DSCAML1: variants seen among roughly 807,000 people sequenced by gnomAD.
DSCAML1 encodes DS cell adhesion molecule like 1, also known as cell adhesion molecule DSCAML1.
A neutral mutation model predicts 200.5 loss-of-function variants in DSCAML1; 38 were observed. That is an observed-to-expected ratio of 0.19 (90% confidence interval 0.15 to 0.25). The LOEUF (loss-of-function observed/expected upper bound fraction) is 0.25, where lower values mean the gene tolerates loss of function less well. Ranked by LOEUF, DSCAML1 falls within the 10% of genes least tolerant of loss-of-function variation. The pLI, the probability that DSCAML1 is intolerant of heterozygous loss-of-function variation, is 1.00. For missense variants in DSCAML1, 2,223 were observed against 2,858.8 expected (o/e 0.78, Z 5.07); for synonymous variants, 1,215 against 1,165.0 (o/e 1.04, Z -0.87).
At position 117,434,372 on chromosome 11, in the gene DSCAML1, TTCAA is replaced by T. The variant is rs2047864775; in HGVS notation, c.4877-905_4877-902del. 2.0e-5 allele frequency among the ~76,000 whole-genome samples: 3 copies of T among 152,190 alleles called. No homozygotes were observed. In the South Asian group the frequency reaches 6.2e-4, roughly 32 times the overall value. ...CATTCACTCATGAATTCAACATCCATTCAATCATTCTTATATTTATATGTTAAAC... is the reference window on the plus strand; with the variant it reads ...CATTCACTCATGAATTCAACATCCATTCATTCTTATATTTATATGTTAAAC... On this transcript the variant is annotated intron_variant, in intron 27 of 32. Coordinates refer to ENST00000651296, the MANE Select transcript of DSCAML1 (RefSeq NM_020693.4).
intron 3 of DSCAML1, among the ~76,000 whole-genome samples, chr11:117,556,815 C>A (rs1019926176): frequency 1.3e-5 from 2 of 152,184 alleles, no homozygotes; most frequent in Non-Finnish European, 2.9e-5. Flanking sequence ...GAAGGGCTGG[C>A]GACCTTATGT....
At chr11:117,562,363 G>A (rs942651813) in intron 3 of DSCAML1, among the ~76,000 whole-genome samples, 8 of 152,180 alleles carry the variant, frequency 5.3e-5, no homozygotes, top group African/African-American at 1.9e-4. Context: ...AGGGCTCCTC[G>A]CCAGGGTGTG....
intron 3 of DSCAML1, among the ~76,000 whole-genome samples, chr11:117,595,203 A>T (rs1435759719): frequency 6.6e-6 from 1 of 152,174 alleles, no homozygotes; most frequent in Non-Finnish European, 1.5e-5. Flanking sequence ...TTGGAAAGTC[A>T]GTCATTAGAA....
intron 3 of DSCAML1, among the ~76,000 whole-genome samples, chr11:117,539,522 C>T (rs7938877): frequency 0.069 from 10,019 of 146,160 alleles, 506 homozygotes; most frequent in East Asian, 0.12. Flanking sequence ...GCAGGAGAAT[C>T]GCTTGAACCC....
At position 117,432,464 on chromosome 11, in the gene DSCAML1, G is replaced by A. The variant is rs748786636; in HGVS notation, c.5067C>T (p.Phe1689=). ...KATIPVTDAE[F]SQAVNPQSFC... The stretch of plus-strand genomic sequence containing the variant: ...AGCTCTGTGGGTTGACAGCTTGGCT[G>A]AACTCAGCATCTGTCACAGGGATGG... The change falls in exon 30 of 33, where the codon TTC becomes TTT. Residue 1689 remains phenylalanine, a synonymous_variant. Transcript: ENST00000651296. The A allele has an allele frequency of 1.9e-6, 3 of 1,614,212 alleles. No homozygotes were observed. The highest frequency in any genetic ancestry group is 2.5e-6 in the Non-Finnish European group (3 of 1,180,038).
intron 3 of DSCAML1, among the ~76,000 whole-genome samples, chr11:117,547,598 C>T (rs1047657237): frequency 1.3e-5 from 2 of 152,158 alleles, no homozygotes; most frequent in African/African-American, 4.8e-5. Flanking sequence ...CAGGGCCTGG[C>T]CCTCATGGAG....
chr11:117,478,700 T>C (rs146297336), intron 14 of DSCAML1, among the ~76,000 whole-genome samples: 16 of 152,372 alleles, frequency 1.1e-4, no homozygotes, highest in Middle Eastern at 3.4e-3. Context: ...ATTGCATCTA[T>C]GAGCCCTGTG....
intron 24 of DSCAML1, among the ~76,000 whole-genome samples, chr11:117,438,293 C>G (rs1349318277): frequency 1.5e-5 from 2 of 132,472 alleles, no homozygotes; most frequent in Non-Finnish European, 3.1e-5. Context: ...CAACAAAACA[C>G]TGTGAGGGCC....
At chr11:117,744,996 C>T (rs1591464634) in intron 3 of DSCAML1, among the ~76,000 whole-genome samples, 1 of 139,856 alleles carries the variant, frequency 7.2e-6, no homozygotes, top group Non-Finnish European at 1.6e-5. Flanking sequence ...TACCTGACAG[C>T]CGCAGTGATT....
chr11:117,623,125 G>A (rs772658228), intron 3 of DSCAML1, among the ~76,000 whole-genome samples: 25 of 151,934 alleles, frequency 1.6e-4, no homozygotes, highest in Admixed American at 3.3e-4. Context: ...CTGGCTTCTC[G>A]TCAACTAGCA....
intron 3 of DSCAML1, among the ~76,000 whole-genome samples, chr11:117,594,498 C>T (rs1016145980): frequency 6.6e-6 from 1 of 152,260 alleles, no homozygotes; most frequent in African/African-American, 2.4e-5. Flanking sequence ...GTGAGTCTCC[C>T]TTCCTAAAAC....
At chr11:117,496,111 G>A (rs747488152) in intron 11 of DSCAML1, among the ~76,000 whole-genome samples, 5 of 152,242 alleles carry the variant, frequency 3.3e-5, no homozygotes, top group Middle Eastern at 3.4e-3. Flanking sequence ...ATCTGACCAC[G>A]TCTGTCCACC....
intron 3 of DSCAML1, among the ~76,000 whole-genome samples, chr11:117,612,638 C>A (rs778691795): frequency 6.6e-6 from 1 of 152,210 alleles, no homozygotes; most frequent in Non-Finnish European, 1.5e-5. Flanking sequence ...CCATGCTGAG[C>A]AGCCCTCCCC....
intron 3 of DSCAML1, among the ~76,000 whole-genome samples, chr11:117,685,680 G>A (rs768657906): frequency 3.3e-5 from 5 of 152,206 alleles, no homozygotes; most frequent in Non-Finnish European, 5.9e-5. Flanking sequence ...GAAAGCACGC[G>A]TACCTCTGGG....
intron 3 of DSCAML1, among the ~76,000 whole-genome samples, chr11:117,558,716 G>A (rs1194459312): frequency 2.6e-5 from 4 of 152,150 alleles, no homozygotes; most frequent in South Asian, 2.1e-4. Flanking sequence ...CAAGCTCCCC[G>A]AAAAAGAAAT....
rs531629503 is a variant in DSCAML1 at position 117,606,070 on chromosome 11, C to T, written c.512-73548G>A. On this transcript the variant is annotated intron_variant, in intron 3 of 32. Transcript: ENST00000651296. ...GGGCATGGAGCAGGGGGCTGAGCTT[C>T]ACTTTTGGGTATGTGGGAAATTATT... Among the ~76,000 whole-genome samples the T allele has an allele frequency of 9.9e-5, 15 of 152,248 alleles. No homozygotes were observed. The East Asian group carries it at 2.9e-3, about 29-fold the overall frequency.
At chr11:117,570,334 T>G (rs930166423) in intron 3 of DSCAML1, among the ~76,000 whole-genome samples, 1 of 152,196 alleles carries the variant, frequency 6.6e-6, no homozygotes, top group Non-Finnish European at 1.5e-5. Flanking sequence ...TCATAGAACA[T>G]GCCGTTCTGC....
chr11:117,512,796 CACA>C (rs1565754071), intron 8 of DSCAML1, among the ~76,000 whole-genome samples: 28 of 149,672 alleles, frequency 1.9e-4, no homozygotes, highest in Middle Eastern at 3.4e-3. Flanking sequence ...CACACACACA[CACA>C]CACCCCTCCC....
At chr11:117,702,990 G>C (rs1457983394) in intron 3 of DSCAML1, among the ~76,000 whole-genome samples, 1 of 152,152 alleles carries the variant, frequency 6.6e-6, no homozygotes, top group Non-Finnish European at 1.5e-5. Flanking sequence ...GAATTTGGAG[G>C]TTTCTTAAAT....
Sources: gnomAD v4.1 joint callset for allele counts (sites outside exome capture counted in the v4.1 genomes callset) on GRCh38, gnomAD v4.1.1 for gene constraint, MANE v1.5 for transcripts, NCBI Gene and HGNC (gene_info 2026-07-23, HGNC 2026-07-21) for gene names.